Variants in SNRPN observed in about 807,000 individuals in gnomAD.
The protein encoded by SNRPN is small nuclear ribonucleoprotein polypeptide N.
SNRPN carries 7 observed loss-of-function variants against 25.2 expected under a neutral mutation model. The observed-to-expected ratio is 0.28, with a 90% CI of 0.16 to 0.52. The LOEUF is 0.52. Ranked by LOEUF, SNRPN falls within the 20% of genes least tolerant of loss-of-function variation. The pLI is 0.96. For missense variants in SNRPN, 196 were observed against 322.5 expected (o/e 0.61, Z 3.00); for synonymous variants, 124 against 110.6 (o/e 1.12, Z -0.76).
At chr15:24,959,836 C>T (rs140243570) in intron 1 of SNRPN, among the ~76,000 whole-genome samples, 22 of 152,274 alleles carry the variant, frequency 1.4e-4, no homozygotes, top group African/African-American at 3.1e-4. Context: ...ACTAGGAACA[C>T]GTATAATACG....
chr15:24,977,340 T>C lies in SNRPN; in HGVS notation c.420+311T>C, dbSNP rs572421972. ...TGGATGTCAGTGTACTAAGATTAGT[T>C]TTTAAAATATGGGAATAGGCCGGGT... is the stretch of plus-strand genomic sequence containing the variant. On this transcript the variant is annotated intron_variant, in intron 7 of 9. Coordinates refer to ENST00000390687, the MANE Select transcript of SNRPN (RefSeq NM_003097.6). Among the ~76,000 whole-genome samples, 4 of 152,244 alleles carry C rather than the reference T, an allele frequency of 2.6e-5. No homozygotes were observed. In the East Asian group the frequency reaches 7.8e-4, roughly 30 times the overall value.
chr15:24,852,277 CG>C (rs1429902564), upstream of SNRPN: 23 of 152,242 alleles, frequency 1.5e-4, no homozygotes, highest in East Asian at 4.3e-3. Flanking sequence ...TGTTTTATTT[CG>C]TGTATCCTGT....
At chr15:24,904,458 C>T (rs568805809) in intron 2 of SNRPN, among the ~76,000 whole-genome samples, 75 of 152,068 alleles carry the variant, frequency 4.9e-4, no homozygotes, top group Non-Finnish European at 8.8e-4. Flanking sequence ...AGCTCAAGAC[C>T]GGCCTGGCCA....
chr15:24,871,471 T>C (rs1305833598), intron 1 of SNRPN, among the ~76,000 whole-genome samples: 1 of 152,006 alleles, frequency 6.6e-6, no homozygotes, highest in Non-Finnish European at 1.5e-5. Context: ...CTTAAAAATA[T>C]GCCTTTAATT....
At chr15:24,862,753 G>A (rs879520828) in intron 1 of SNRPN, among the ~76,000 whole-genome samples, 8 of 150,848 alleles carry the variant, frequency 5.3e-5, no homozygotes, top group South Asian at 2.1e-4. Flanking sequence ...GGACAAGGGG[G>A]GCCTTCAGGA....
chr15:24,894,209 GC>G (rs1190605614), intron 2 of SNRPN, among the ~76,000 whole-genome samples: 11 of 148,930 alleles, frequency 7.4e-5, no homozygotes, highest in Admixed American at 3.4e-4. Flanking sequence ...GGAAAACCAA[GC>G]CAAATTCTTT....
intron 1 of SNRPN, among the ~76,000 whole-genome samples, chr15:24,828,541 C>T (rs758510083): frequency 2.0e-5 from 3 of 151,760 alleles, no homozygotes; most frequent in African/African-American, 7.3e-5. Context: ...AGCGAGACTC[C>T]GTCTCGAAAA....
Position 24,881,612 on chromosome 15 carries a change from AGAGAGAG to A in SNRPN, c.-578-4903_-578-4897del, listed in dbSNP as rs1182617283. Among the ~76,000 whole-genome samples the A allele has an allele frequency of 2.5e-3, 194 of 77,718 alleles. 3 individuals are homozygous for A. Among genetic ancestry groups the A allele is most frequent in the African/African-American group, 1.0e-2 (173 of 17,386 alleles). 51.0% of individuals were successfully genotyped at this position (77,718 alleles called of 152,430 possible). ...GAGAGAGAGAGAGAGAGAGAGAGAG[AGAGAGAG>A]AAAGTCACAGTAAGGCACCCTAGCA... On this transcript the variant is annotated intron_variant, in intron 1 of 11. Transcript: ENST00000400097.
chr15:24,941,488 C>A (rs557834290), intron 3 of SNRPN, among the ~76,000 whole-genome samples: 3 of 152,280 alleles, frequency 2.0e-5, no homozygotes, highest in African/African-American at 7.2e-5. Context: ...TGGGGTGACC[C>A]AAACCTTTGA....
upstream of SNRPN, among the ~76,000 whole-genome samples, chr15:24,853,970 T>C (rs2053136299): frequency 6.6e-6 from 1 of 152,250 alleles, no homozygotes; most frequent in South Asian, 2.1e-4. Context: ...TCCTTCAACA[T>C]GTGAAATGTG....
At chr15:24,898,751 G>A (rs190339094) in intron 2 of SNRPN, among the ~76,000 whole-genome samples, 2 of 152,056 alleles carry the variant, frequency 1.3e-5, no homozygotes, top group Admixed American at 6.6e-5. Flanking sequence ...TTTTCTGTTG[G>A]GGTGATCGGA....
chr15:24,967,091 A>G (rs547700193), intron 2 of SNRPN: 2 of 152,346 alleles, frequency 1.3e-5, no homozygotes, highest in Non-Finnish European at 2.9e-5. Flanking sequence ...CAAATGCTTT[A>G]GCAGCATCTC....
chr15:24,882,784 A>G (rs1318662624), intron 1 of SNRPN, among the ~76,000 whole-genome samples: 1 of 150,848 alleles, frequency 6.6e-6, no homozygotes, highest in Non-Finnish European at 1.5e-5. Flanking sequence ...AGATCATACC[A>G]CTGCACTCCA....
At chr15:24,828,046 T>A (rs2050227683) in intron 1 of SNRPN, among the ~76,000 whole-genome samples, 1 of 152,198 alleles carries the variant, frequency 6.6e-6, no homozygotes, top group Non-Finnish European at 1.5e-5. Flanking sequence ...GCATATTTTA[T>A]ATTTATGGAA....
chr15:24,978,026 T>A, intron 8 of SNRPN, 110 bp downstream of exon 8: 1 of 1,236,572 alleles, frequency 8.1e-7, no homozygotes, highest in Non-Finnish European at 1.1e-6. Flanking sequence ...GCTTCCTTCT[T>A]CTAGATACTG....
chr15:24,972,538 ATTCTTT>A (rs2076548860), intron 3 of SNRPN, among the ~76,000 whole-genome samples: 1 of 138,572 alleles, frequency 7.2e-6, no homozygotes, highest in African/African-American at 2.7e-5. Flanking sequence ...GCATTAGAGT[ATTCTTT>A]TTTTTTTTTT....
intron 3 of SNRPN, chr15:24,942,467 G>A (rs557558149): frequency 6.6e-6 from 1 of 152,324 alleles, no homozygotes; most frequent in South Asian, 2.1e-4. Flanking sequence ...AACATGGTAA[G>A]ACCACCAAAT....
At chr15:24,952,860 A>G (rs1400051131), upstream of SNRPN, among the ~76,000 whole-genome samples, 1 of 152,200 alleles carries the variant, frequency 6.6e-6, no homozygotes, top group Non-Finnish European at 1.5e-5. Flanking sequence ...CTAAAGAAAC[A>G]TGATTATAAT....
At chr15:24,921,414 G>T (rs923430023) in intron 3 of SNRPN, among the ~76,000 whole-genome samples, 3 of 152,126 alleles carry the variant, frequency 2.0e-5, no homozygotes, top group African/African-American at 7.2e-5. Flanking sequence ...ATTCAAGAAA[G>T]ATCTTCCTTC....
Sources: allele counts gnomAD v4.1 joint callset (sites outside exome capture counted in the v4.1 genomes callset), GRCh38; gene constraint gnomAD v4.1.1; transcripts MANE v1.5; gene names NCBI Gene and HGNC (gene_info 2026-07-23, HGNC 2026-07-21).